The following XPR1 variants were observed in gnomAD, a reference collection of about 807,000 sequenced individuals.
The protein encoded by XPR1 is xenotropic and polytropic retrovirus receptor 1, also known as solute carrier family 53 member 1.
XPR1 carries 28 observed loss-of-function variants against 87.5 expected under a neutral mutation model. That is an observed-to-expected ratio of 0.32 (90% CI 0.24 to 0.44). XPR1 has a LOEUF of 0.44. XPR1 is among the 20% of genes least tolerant of loss of function. XPR1 has a pLI of 1.00. For missense variants in XPR1, 559 were observed against 862.3 expected (o/e 0.65, Z 4.41); for synonymous variants, 300 against 306.1 (o/e 0.98, Z 0.21).
chr1:180,633,847 C>T (rs934694995), intron 1 of XPR1, among the ~76,000 whole-genome samples: 4 of 152,216 alleles, frequency 2.6e-5, no homozygotes, highest in African/African-American at 4.8e-5. Flanking sequence ...TTCAGCACCA[C>T]TGCCAGTTCT....
At position 180,652,630 on chromosome 1, in the gene XPR1, T is replaced by C. The variant is rs554083556; in HGVS notation, c.69+20360T>C. 7.2e-5 allele frequency among the ~76,000 whole-genome samples: 11 copies of C among 152,352 alleles called. 1 individual carries two copies. In the South Asian group the frequency reaches 1.2e-3, roughly 17 times the overall value. On this transcript the variant is annotated intron_variant, in intron 1 of 14. Transcript: ENST00000367590. ...AAATCACTTATTTGAAATTATAATA[T>C]TTTCCTTTCCATACTTTTTATAAGA...
chr1:180,690,618 G>T (rs1656945429), intron 2 of XPR1, among the ~76,000 whole-genome samples: 1 of 151,694 alleles, frequency 6.6e-6, no homozygotes, highest in Admixed American at 6.6e-5. Flanking sequence ...GTCTAATATA[G>T]CCACTTAGTC....
chr1:180,797,146 A>G (rs968456694), intron 3 of XPR1, among the ~76,000 whole-genome samples: 2 of 152,240 alleles, frequency 1.3e-5, no homozygotes, highest in African/African-American at 4.8e-5. Flanking sequence ...TTTACAGTAG[A>G]TGAATCCTAT....
chr1:180,650,225 C>T (rs780209856), intron 1 of XPR1, among the ~76,000 whole-genome samples: 9 of 151,932 alleles, frequency 5.9e-5, no homozygotes, highest in Non-Finnish European at 8.8e-5. Context: ...TATTTACCGC[C>T]GTCCCCCCAA....
intron 1 of XPR1, among the ~76,000 whole-genome samples, chr1:180,661,607 C>T (rs143018835): frequency 5.3e-5 from 8 of 151,958 alleles, no homozygotes; most frequent in Non-Finnish European, 1.2e-4. Context: ...TGGTGGCTCA[C>T]GCCTGTAATC....
At chr1:180,660,337 T>C (rs1655723753) in intron 1 of XPR1, among the ~76,000 whole-genome samples, 1 of 152,042 alleles carries the variant, frequency 6.6e-6, no homozygotes, top group Non-Finnish European at 1.5e-5. Flanking sequence ...AATTTTATAT[T>C]TTAATTTCAT....
intron 1 of XPR1, among the ~76,000 whole-genome samples, chr1:180,651,337 C>T (rs1051156059): frequency 6.6e-6 from 1 of 152,130 alleles, no homozygotes. Flanking sequence ...GGTCATCTGC[C>T]CACCTCAGCC....
intron 7 of XPR1, among the ~76,000 whole-genome samples, chr1:180,823,219 C>T (rs374566233): frequency 2.2e-4 from 33 of 147,058 alleles, no homozygotes; most frequent in South Asian, 2.1e-3. Flanking sequence ...CCAGTCTGAG[C>T]GACAGAGCAA....
intron 2 of XPR1, among the ~76,000 whole-genome samples, chr1:180,758,114 T>TACACACACACACACACACACACACACAC (rs71121050): frequency 2.1e-5 from 3 of 141,094 alleles, no homozygotes; most frequent in Non-Finnish European, 4.6e-5. Context: ...TATAGAAGGA[T>TACACACACACACACACACACACACACAC]ACACACACAC....
At chr1:180,854,955 T>A (rs990344865) in intron 11 of XPR1, among the ~76,000 whole-genome samples, 2 of 152,172 alleles carry the variant, frequency 1.3e-5, no homozygotes, top group African/African-American at 2.4e-5. Flanking sequence ...CCCAAGTATT[T>A]GTTGGAAGGT....
At chr1:180,646,715 TG>T (rs1655131623) in intron 1 of XPR1, among the ~76,000 whole-genome samples, 1 of 152,192 alleles carries the variant, frequency 6.6e-6, no homozygotes, top group Non-Finnish European at 1.5e-5. Flanking sequence ...GGTTAGCTTG[TG>T]GGCTTACCGA....
chr1:180,858,651 A>C (rs2102200754), intron 11 of XPR1, among the ~76,000 whole-genome samples: 1 of 152,296 alleles, frequency 6.6e-6, no homozygotes, highest in Non-Finnish European at 1.5e-5. Context: ...GTAACCACAA[A>C]GCTTGGAAGA....
chr1:180,747,619 G>C (rs140636833), intron 2 of XPR1, among the ~76,000 whole-genome samples: 42 of 152,202 alleles, frequency 2.8e-4, no homozygotes, highest in African/African-American at 9.4e-4. Flanking sequence ...TAATAGGGAA[G>C]GCTTTTTACT....
rs1362653243 is a variant in XPR1 at position 180,884,032 on chromosome 1, T to C, written c.2057T>C (p.Leu686Ser). ...TCCAAGGCTCGTGACACTAAGGTATTGATAGAAGACACAGATGATGAAGCT... is the reference window on the plus strand; with the variant it reads ...TCCAAGGCTCGTGACACTAAGGTATCGATAGAAGACACAGATGATGAAGCT... ...SQSKARDTKV[L>S]IEDTDDEANT is the part of the protein sequence containing the mutation. The change falls in exon 15 of 15, where the codon TTG (leucine) becomes TCG (serine). Residue 686 changes from leucine (L) to serine (S), a missense_variant. Physicochemically the swap from Leu to Ser is moderately radical, Grantham distance 145. Coordinates refer to ENST00000367590, the MANE Select transcript of XPR1 (RefSeq NM_004736.4). 4.3e-6 allele frequency: 7 copies of C among 1,613,964 alleles called. No homozygotes were observed. The highest frequency in any genetic ancestry group is 5.9e-6 in the Non-Finnish European group (7 of 1,179,998).
At chr1:180,749,698 T>C (rs1380915669) in intron 2 of XPR1, among the ~76,000 whole-genome samples, 1 of 136,634 alleles carries the variant, frequency 7.3e-6, no homozygotes, top group Admixed American at 7.4e-5. Context: ...GGTTAAACAT[T>C]TATTAGCATA....
intron 6 of XPR1, among the ~76,000 whole-genome samples, chr1:180,809,175 T>A (rs1650116398): frequency 6.6e-6 from 1 of 152,040 alleles, no homozygotes; most frequent in African/African-American, 2.4e-5. Flanking sequence ...TACTATATGA[T>A]ATCATTAACC....
chr1:180,753,668 C>T (rs1647617837), intron 2 of XPR1, among the ~76,000 whole-genome samples: 1 of 151,618 alleles, frequency 6.6e-6, no homozygotes, highest in Non-Finnish European at 1.5e-5. Context: ...TTTTATAATA[C>T]TCATTTCAGT....
rs532130892 is a variant in XPR1, at chr1:180,645,602, A to C, written c.69+13332A>C. Among the ~76,000 whole-genome samples the C allele has an allele frequency of 4.6e-5, 7 of 152,322 alleles. No individual in the cohort carries two copies. In the East Asian group the frequency reaches 1.4e-3, roughly 29 times the overall value. ...TGAAATCTCTGGAGCGGCTCTTGTAACTAAAGAACTCTGGCCAGTGATCTA... is the reference window on the plus strand; with the variant it reads ...TGAAATCTCTGGAGCGGCTCTTGTACCTAAAGAACTCTGGCCAGTGATCTA... On this transcript the variant is annotated intron_variant, in intron 1 of 14. Coordinates refer to ENST00000367590, the MANE Select transcript of XPR1 (RefSeq NM_004736.4).
intron 2 of XPR1, among the ~76,000 whole-genome samples, chr1:180,688,191 T>G (rs569620563): frequency 6.6e-6 from 1 of 151,634 alleles, no homozygotes; most frequent in East Asian, 1.9e-4. Flanking sequence ...TGGCTGGGAT[T>G]ACAGGTGCCT....
Sources: gnomAD v4.1 joint callset for allele counts (sites outside exome capture counted in the v4.1 genomes callset) on GRCh38, gnomAD v4.1.1 for gene constraint, MANE v1.5 for transcripts, NCBI Gene and HGNC (gene_info 2026-07-23, HGNC 2026-07-21) for gene names.